ALDH3B2: variants seen among roughly 807,000 people sequenced by gnomAD.
ALDH3B2 encodes aldehyde dehydrogenase family 3 member B2.
A neutral mutation model predicts 36.7 loss-of-function variants in ALDH3B2; 45 were observed. That is an observed-to-expected ratio of 1.23 (90% confidence interval 0.97 to 1.57). ALDH3B2 has a LOEUF of 1.57. ALDH3B2 is among the 40% of genes most tolerant of loss of function. The pLI is 0.00. For missense variants in ALDH3B2, 464 were observed against 513.3 expected (o/e 0.90, Z 0.93); for synonymous variants, 217 against 226.5 (o/e 0.96, Z 0.38).
exon 10 of ALDH3B2, chr11:67,663,077 A>G: frequency 1.9e-6 from 2 of 1,064,694 alleles, no homozygotes; most frequent in Non-Finnish European, 1.4e-6. Flanking sequence ...GGCAGGCAGG[A>G]TGCAGTCATG....
rs962656098 is a variant in ALDH3B2, at chr11:67,667,496, C to T, written c.-105G>A. 26 of 388,926 alleles carry T rather than the reference C, an allele frequency of 6.7e-5. No homozygotes were observed. The East Asian group carries it at 1.1e-3, about 16-fold the overall frequency. 24.1% of individuals were successfully genotyped at this position (388,926 alleles called of 1,614,324 possible). A position where few individuals can be genotyped will look rare whatever the true frequency, so the allele number is the denominator to read the frequency against. ...ACCTTATGCAGGTCCTGGGCCAGCA[C>T]GTCGCGCAGAAGCTGCTTGTTTTCT... On this transcript the variant is annotated 5_prime_UTR_variant, in exon 2 of 10. In the 5' UTR this introduces an upstream ATG that the reference lacks. Transcript: ENST00000349015.
upstream of ALDH3B2, among the ~76,000 whole-genome samples, chr11:67,677,927 T>A (rs1323094509): frequency 6.6e-6 from 1 of 151,962 alleles, no homozygotes; most frequent in Non-Finnish European, 1.5e-5. Context: ...GAAAGACCTC[T>A]AAAGGAAAAC....
chr11:67,678,255 A>G (rs1856305746), upstream of ALDH3B2, among the ~76,000 whole-genome samples: 1 of 152,234 alleles, frequency 6.6e-6, no homozygotes, highest in Non-Finnish European at 1.5e-5. Context: ...ACAGTGACAT[A>G]TCGGTGTAAA....
At chr11:67,663,482 A>G in intron 9 of ALDH3B2, 83 bp from the exon 10 acceptor site, 1 of 1,508,944 alleles carries the variant, frequency 6.6e-7, no homozygotes, top group South Asian at 1.2e-5. Flanking sequence ...GCCAGGGCAC[A>G]CAGCTGGCAG....
At chr11:67,666,548 C>T in intron 4 of ALDH3B2, 26 bp downstream of exon 4, 1 of 1,613,314 alleles carries the variant, frequency 6.2e-7, no homozygotes, top group South Asian at 1.1e-5. Flanking sequence ...GCGGGGAGAG[C>T]ATGGGGTTCG....
chr11:67,668,512 C>T (rs969390456), intron 1 of ALDH3B2, among the ~76,000 whole-genome samples: 12 of 152,122 alleles, frequency 7.9e-5, no homozygotes, highest in East Asian at 1.9e-4. Context: ...AAGAATGGTG[C>T]GCAAATCCTG....
Position 67,664,274 on chromosome 11 carries a change from A to G in ALDH3B2, c.873+122T>C. On this transcript the variant is annotated intron_variant, in intron 8 of 9. Transcript: ENST00000349015. The stretch of plus-strand genomic sequence containing the variant: ...GATGCAGTGGTACCAGGTGGCCTAG[A>G]TATAGTCACCCTTGAGGCATCTGCT... 8 of 1,476,606 alleles carry G rather than the reference A, an allele frequency of 5.4e-6. No homozygotes were observed. In the South Asian group the frequency reaches 9.9e-5, roughly 18 times the overall value. 91.5% of individuals were successfully genotyped at this position (1,476,606 alleles called of 1,614,324 possible).
At chr11:67,662,898 C>A in exon 10 of ALDH3B2, 1 of 373,992 alleles carries the variant, frequency 2.7e-6, no homozygotes, top group Non-Finnish European at 4.9e-6. Flanking sequence ...CTGTATTTTC[C>A]AGGGTGACAC....
At chr11:67,667,991 TG>T (rs1374584576) in intron 1 of ALDH3B2, 1 of 152,910 alleles carries the variant, frequency 6.5e-6, no homozygotes. Flanking sequence ...CTCCCCTCCT[TG>T]CGCAGACACA....
chr11:67,669,845 GGT>G lies in ALDH3B2; in HGVS notation c.-244-2212_-244-2211del, dbSNP rs1288721377. ...GTGTATGGGTGTCTGTGTGTGTATGGGTGTGTGTGTCCACGTGTGTCTGTGTG... is the reference window on the plus strand; with the variant it reads ...GTGTATGGGTGTCTGTGTGTGTATGGGTGTGTGTCCACGTGTGTCTGTGTG... On this transcript the variant is annotated intron_variant, in intron 1 of 9. Coordinates refer to ENST00000349015, the Ensembl canonical transcript of ALDH3B2. Among the ~76,000 whole-genome samples the G allele has an allele frequency of 4.3e-4, 40 of 93,726 alleles. 1 individual carries two copies. Among genetic ancestry groups the G allele is most frequent in the African/African-American group, 1.6e-3 (37 of 23,212 alleles). 61.5% of individuals were successfully genotyped at this position (93,726 alleles called of 152,430 possible).
intron 1 of ALDH3B2, among the ~76,000 whole-genome samples, chr11:67,680,806 C>A (rs1856355267): frequency 6.6e-6 from 1 of 152,204 alleles, no homozygotes; most frequent in South Asian, 2.1e-4. Flanking sequence ...GAGATGCTAA[C>A]CTCTCTCATT....
chr11:67,680,811 C>T (rs1009701016), intron 1 of ALDH3B2, among the ~76,000 whole-genome samples: 2 of 152,214 alleles, frequency 1.3e-5, no homozygotes, highest in African/African-American at 4.8e-5. Flanking sequence ...GCTAACCTCT[C>T]TCATTTGGCA....
exon 7 of ALDH3B2, chr11:67,665,441 G>T (rs1855874935): frequency 6.2e-7 from 1 of 1,613,930 alleles, no homozygotes; most frequent in Non-Finnish European, 8.5e-7. Flanking sequence ...ATGGTGCTCT[G>T]CAGGGCGGGC....
exon 10 of ALDH3B2, chr11:67,662,898 C>T (rs895535075): frequency 7.8e-5 from 29 of 373,876 alleles, no homozygotes; most frequent in Non-Finnish European, 1.2e-4. Context: ...CTGTATTTTC[C>T]AGGGTGACAC....
At chr11:67,662,640 G>A (rs1279276972) in exon 10 of ALDH3B2, 3 of 160,502 alleles carry the variant, frequency 1.9e-5, no homozygotes, top group African/African-American at 2.4e-5. Context: ...ACTGTGCAGT[G>A]GAGTGATGCA....
Position 67,680,370 on chromosome 11 carries a change from T to A in ALDH3B2, c.-245+806A>T, listed in dbSNP as rs533344866. On this transcript the variant is annotated intron_variant, in intron 1 of 9. Transcript: ENST00000530069. The stretch of plus-strand genomic sequence containing the variant: ...TTCATATTTTCAGTTGGTGCCCTGA[T>A]GGAATAGATTCCTTTGTCTGTTCTG... Among the ~76,000 whole-genome samples the A allele has an allele frequency of 2.6e-5, 4 of 152,310 alleles. No homozygotes were observed. In the East Asian group the frequency reaches 7.7e-4, roughly 29 times the overall value.
At position 67,665,685 on chromosome 11, in the gene ALDH3B2, G is replaced by A; in HGVS notation, c.320-14C>T. On this transcript the variant is annotated splice_polypyrimidine_tract_variant and intron_variant, in intron 6 of 9. Transcript: ENST00000349015. ...CACGAGGGCTCCCTGGGCGTGGAAG[G>A]AAACCAGAGTGGCCAGTCAGTGACC... 2 of 1,591,346 alleles carry A rather than the reference G, an allele frequency of 1.3e-6. No homozygotes were observed. The highest frequency in any genetic ancestry group is 1.7e-6 in the Non-Finnish European group (2 of 1,168,346).
At chr11:67,663,884 A>G in intron 8 of ALDH3B2, 123 bp from the exon 9 acceptor site, 1 of 756,598 alleles carries the variant, frequency 1.3e-6, no homozygotes, top group Non-Finnish European at 2.1e-6. Flanking sequence ...AACGGGCAAT[A>G]ATCTCCGCTC....
At chr11:67,680,593 A>AT (rs958475576) in intron 1 of ALDH3B2, among the ~76,000 whole-genome samples, 1 of 151,720 alleles carries the variant, frequency 6.6e-6, no homozygotes, top group South Asian at 2.1e-4. Flanking sequence ...ATTTTTGTAT[A>AT]TTTTTTAGAG....
Sources: allele counts gnomAD v4.1 joint callset (sites outside exome capture counted in the v4.1 genomes callset), GRCh38; gene constraint gnomAD v4.1.1; transcripts MANE v1.5; gene names NCBI Gene and HGNC (gene_info 2026-07-23, HGNC 2026-07-21).